Variants in CYLC1 observed in about 807,000 individuals in gnomAD.
CYLC1 encodes the protein cylicin 1.
A neutral mutation model predicts 31.6 loss-of-function variants in CYLC1; 2 were observed. That is an observed-to-expected ratio of 0.06 (90% CI 0.03 to 0.20). The LOEUF (loss-of-function observed/expected upper bound fraction) is 0.20, where lower values mean the gene tolerates loss of function less well. Among genes scored for constraint, CYLC1 ranks in the 10% least tolerant of loss-of-function variants. The pLI is 1.00. For missense variants in CYLC1, 595 were observed against 424.1 expected (o/e 1.40, Z -3.54); for synonymous variants, 185 against 153.0 (o/e 1.21, Z -1.54).
chrX:83,874,932 T>C (rs1159147563), intron 4 of CYLC1, among the ~76,000 whole-genome samples: 1 of 110,579 alleles, frequency 9.0e-6, no homozygotes, highest in Non-Finnish European at 1.9e-5. Flanking sequence ...GTGGTTAAGT[T>C]TTATACTTGG....
chrX:83,865,657 C>T, intron 1 of CYLC1, among the ~76,000 whole-genome samples: 1 of 111,502 alleles, frequency 9.0e-6, no homozygotes, highest in Middle Eastern at 4.7e-3. Flanking sequence ...GTATTCCTTG[C>T]CTTTTTTAGC....
chrX:83,871,208 T>G (rs888507594), intron 2 of CYLC1, among the ~76,000 whole-genome samples: 2 of 111,122 alleles, frequency 1.8e-5, no homozygotes, highest in African/African-American at 6.5e-5. Context: ...TCTGTGAAAA[T>G]TAGTTTAATG....
chrX:83,874,062 G>A lies in CYLC1; in HGVS notation c.1354G>A (p.Gly452Arg). 3.3e-6 allele frequency: 4 copies of A among 1,202,882 alleles called. No homozygotes were observed. Among genetic ancestry groups the A allele is most frequent in the Non-Finnish European group, 4.5e-6 (4 of 890,724 alleles). ...ESTDADSEPK[G>R]DSKKGKKDEK... The stretch of plus-strand genomic sequence containing the variant: ...TACTGATGCTGACTCTGAACCGAAG[G>A]GAGATTCAAAAAAGGGTAAAAAGGA... Residue 452 changes from glycine (G) to arginine (R), a missense_variant, in exon 4 of 5, where the codon GGA (glycine) becomes AGA (arginine). By Grantham distance (125) the Gly-to-Arg change is moderately radical (BLOSUM62 -2). Transcript: ENST00000329312.
In CYLC1 at chrX:83,872,878, C is replaced by A. The variant is rs1215741178; in HGVS notation, c.178-8C>A. On this transcript the variant is annotated splice_polypyrimidine_tract_variant and splice_region_variant and intron_variant, in intron 3 of 4. Transcript: ENST00000329312. The stretch of plus-strand genomic sequence containing the variant: ...ACAAATGCTTATTATTCTAACCAAT[C>A]TTTTCAGAGACATGACAAAAGAAAA... 1.8e-6 allele frequency: 2 copies of A among 1,107,745 alleles called. No individual in the cohort carries two copies. The highest frequency in any genetic ancestry group is 3.8e-5 in the African/African-American group (2 of 52,767). 91.3% of individuals were successfully genotyped at this position (1,107,745 alleles called of 1,213,427 possible). A position where few individuals can be genotyped will look rare whatever the true frequency, so the allele number is the denominator to read the frequency against.
intron 1 of CYLC1, among the ~76,000 whole-genome samples, chrX:83,863,443 C>T (rs1163068048): frequency 9.0e-6 from 1 of 111,158 alleles, no homozygotes; most frequent in Non-Finnish European, 1.9e-5. Flanking sequence ...TTTTTACAGG[C>T]TCATGGTGAA....
rs1345171885 is a variant in CYLC1, at chrX:83,874,184, AAAG to A, written c.1480_1482del (p.Lys494del). The stretch of plus-strand genomic sequence containing the variant: ...CTGAAATGGAATCTGATTTGGAGTT[AAAG>A]AAGGACAAGAAACACTCAAAGGAAA... On this transcript the variant is annotated inframe_deletion, in exon 4 of 5. Coordinates refer to ENST00000329312, the MANE Select transcript of CYLC1 (RefSeq NM_021118.3). The A allele has an allele frequency of 1.7e-6, 2 of 1,204,858 alleles. No homozygotes were observed. Among genetic ancestry groups the A allele is most frequent in the Admixed American group, 2.2e-5 (1 of 45,311 alleles).
Position 83,885,859 on chromosome X carries a change from TATATA to T in CYLC1, c.1924-687_1924-683del, listed in dbSNP as rs760125778. The stretch of plus-strand genomic sequence containing the variant: ...AACTATGTATACTTATAAATTAATG[TATATA>T]ATATATTTGTATAATGTATAAAATT... On this transcript the variant is annotated intron_variant, in intron 4 of 4. Transcript: ENST00000329312. Among the ~76,000 whole-genome samples the T allele has an allele frequency of 2.5e-4, 28 of 110,201 alleles. No homozygotes were observed. The South Asian group carries it at 5.6e-3, about 22-fold the overall frequency.
intron 4 of CYLC1, among the ~76,000 whole-genome samples, chrX:83,884,739 C>G (rs928514323): frequency 6.3e-5 from 7 of 111,478 alleles, no homozygotes; most frequent in African/African-American, 2.3e-4. Context: ...ATGCACTTTG[C>G]TAACAATTTT....
intron 4 of CYLC1, among the ~76,000 whole-genome samples, chrX:83,877,766 G>T (rs2031792250): frequency 9.9e-6 from 1 of 100,546 alleles, no homozygotes. Context: ...ACATTATTTG[G>T]CTTCACTGAA....
intron 4 of CYLC1, among the ~76,000 whole-genome samples, chrX:83,877,899 A>C (rs867697770): frequency 9.9e-5 from 2 of 20,302 alleles, no homozygotes; most frequent in Non-Finnish European, 1.2e-4. Flanking sequence ...TATATATACA[A>C]ATATATATAA....
intron 1 of CYLC1, among the ~76,000 whole-genome samples, chrX:83,865,589 A>G (rs2031581993): frequency 8.9e-6 from 1 of 111,852 alleles, no homozygotes; most frequent in African/African-American, 3.2e-5. Context: ...TGAGTCATTC[A>G]GAGCTAAAAT....
At chrX:83,872,356 T>TC (rs915970031) in intron 3 of CYLC1, among the ~76,000 whole-genome samples, 1 of 110,371 alleles carries the variant, frequency 9.1e-6, no homozygotes, top group African/African-American at 3.3e-5. Flanking sequence ...CTTTGTTTCT[T>TC]TTTTTTGTGC....
intron 4 of CYLC1, among the ~76,000 whole-genome samples, chrX:83,875,476 T>C (rs765174428): frequency 1.8e-5 from 2 of 111,792 alleles, no homozygotes; most frequent in African/African-American, 6.5e-5. Context: ...TGGGGAGGTC[T>C]CTCAATCATG....
At chrX:83,864,792 G>A (rs770539569) in intron 1 of CYLC1, 5 of 254,441 alleles carry the variant, frequency 2.0e-5, no homozygotes, top group African/African-American at 1.5e-4. Flanking sequence ...ATACAACTGA[G>A]CCCCTTCATG....
In CYLC1 at chrX:83,874,012, A is replaced by T. The variant is rs1228526846; in HGVS notation, c.1304A>T (p.Lys435Met). 3 of 1,191,600 alleles carry T rather than the reference A, an allele frequency of 2.5e-6. No homozygotes were observed. Among genetic ancestry groups the T allele is most frequent in the South Asian group, 3.8e-5 (2 of 53,144 alleles). The change falls in exon 4 of 5, where the codon AAG becomes ATG. Residue 435 changes from lysine to methionine, a missense_variant. By Grantham distance (95) the Lys-to-Met change is moderately conservative. Coordinates refer to ENST00000329312, the MANE Select transcript of CYLC1 (RefSeq NM_021118.3). ...AAAGATTCAAAGACAGATAATAAAAAGTCTGTCAAGAATGATGAAGAGTCT... is the reference window on the plus strand; with the variant it reads ...AAAGATTCAAAGACAGATAATAAAATGTCTGTCAAGAATGATGAAGAGTCT... ...DKKDSKTDNK[K>M]SVKNDEESTD...
intron 4 of CYLC1, among the ~76,000 whole-genome samples, chrX:83,876,675 T>A (rs2031763609): frequency 9.0e-6 from 1 of 110,682 alleles, no homozygotes; most frequent in Non-Finnish European, 1.9e-5. Context: ...CCTCATCTTA[T>A]TTCATAATTC....
intron 1 of CYLC1, among the ~76,000 whole-genome samples, chrX:83,868,449 C>T (rs1398540286): frequency 9.1e-6 from 1 of 110,254 alleles, no homozygotes; most frequent in Non-Finnish European, 1.9e-5. Context: ...AGATTTTATG[C>T]CCAGTTTAAT....
chrX:83,885,856 ATG>A (rs2031975452), intron 4 of CYLC1, among the ~76,000 whole-genome samples: 1 of 110,223 alleles, frequency 9.1e-6, no homozygotes, highest in East Asian at 2.8e-4. Flanking sequence ...TTATAAATTA[ATG>A]TATATAATAT....
intron 1 of CYLC1, among the ~76,000 whole-genome samples, chrX:83,865,028 A>G (rs916836154): frequency 9.0e-6 from 1 of 111,187 alleles, no homozygotes; most frequent in Non-Finnish European, 1.9e-5. Flanking sequence ...CTAAATGCTG[A>G]TGAATTCTAA....
Sources: gnomAD v4.1 joint callset for allele counts (sites outside exome capture counted in the v4.1 genomes callset) on GRCh38, gnomAD v4.1.1 for gene constraint, MANE v1.5 for transcripts, NCBI Gene and HGNC (gene_info 2026-07-23, HGNC 2026-07-21) for gene names.